SNAP25: variants seen among roughly 807,000 people sequenced by gnomAD.
The protein encoded by SNAP25 is synaptosomal-associated protein 25.
SNAP25 carries 3 observed loss-of-function variants against 28.7 expected under a neutral mutation model. The ratio of observed to expected loss-of-function variants is 0.10; its 90% CI spans 0.05 to 0.27. The LOEUF (loss-of-function observed/expected upper bound fraction) is 0.27. Among genes scored for constraint, SNAP25 ranks in the 10% least tolerant of loss-of-function variants. The pLI, the probability that SNAP25 is intolerant of heterozygous loss-of-function variation, is 1.00. For synonymous variants in SNAP25, 61 were observed against 88.1 expected, an observed-to-expected ratio of 0.69 and a Z score of 1.72; for missense variants, 117 against 278.7, an observed-to-expected ratio of 0.42 and a Z score of 4.13.
chr20:10,258,649 T>C (rs552699032), intron 1 of SNAP25, among the ~76,000 whole-genome samples: 39 of 152,206 alleles, frequency 2.6e-4, no homozygotes, highest in Admixed American at 1.1e-3. Context: ...GAATGCCAAA[T>C]TGAGTAACTG....
At chr20:10,229,741 T>G (rs567890193) in intron 1 of SNAP25, among the ~76,000 whole-genome samples, 2 of 152,266 alleles carry the variant, frequency 1.3e-5, no homozygotes, top group African/African-American at 4.8e-5. Context: ...CAGGTTATAC[T>G]TCACACTTGA....
At chr20:10,254,531 A>T (rs926097897) in intron 1 of SNAP25, among the ~76,000 whole-genome samples, 1 of 151,424 alleles carries the variant, frequency 6.6e-6, no homozygotes, top group Non-Finnish European at 1.5e-5. Flanking sequence ...TTTCCCGCGC[A>T]CTCCCACCTC....
At position 10,306,417 on chromosome 20, in the gene SNAP25, G is replaced by T; in HGVS notation, c.*220G>T. The T allele has an allele frequency of 1.4e-5, 6 of 435,238 alleles. No individual in the cohort carries two copies. The highest frequency in any genetic ancestry group is 5.4e-5 in the South Asian group (1 of 18,452). The allele number at this position is 435,238 out of a possible 1,614,324, so 27.0% of individuals were successfully genotyped here. On this transcript the variant is annotated 3_prime_UTR_variant, in exon 8 of 8. Transcript: ENST00000254976. ...CAAAGGTTGTACATAGTGGTCATTT[G>T]GTGGCTCTAACTCCTTGAGGTCTTG... is the stretch of plus-strand genomic sequence containing the variant.
intron 1 of SNAP25, chr20:10,219,281 A>G (rs1007101163): frequency 6.6e-5 from 10 of 152,226 alleles, no homozygotes; most frequent in African/African-American, 1.7e-4. Flanking sequence ...CCATTTTGCG[A>G]TGCAGTTTTC....
chr20:10,255,843 A>T (rs2063310579), intron 1 of SNAP25, among the ~76,000 whole-genome samples: 2 of 152,210 alleles, frequency 1.3e-5, no homozygotes, highest in Non-Finnish European at 2.9e-5. Flanking sequence ...GAACAGTGAG[A>T]CTATGATAAT....
intron 1 of SNAP25, among the ~76,000 whole-genome samples, chr20:10,242,723 A>C (rs186152476): frequency 4.5e-4 from 69 of 152,332 alleles, no homozygotes; most frequent in African/African-American, 1.6e-3. Context: ...CCAAATAGTC[A>C]GCTCCCAGTA....
chr20:10,263,898 A>G (rs1041051519), intron 1 of SNAP25, among the ~76,000 whole-genome samples: 17 of 152,150 alleles, frequency 1.1e-4, no homozygotes, highest in Admixed American at 1.3e-4. Flanking sequence ...AACAGAATCA[A>G]TGAGACAAGA....
In SNAP25 at chr20:10,293,151, G is replaced by A; in HGVS notation, c.164-10G>A. On this transcript the variant is annotated splice_polypyrimidine_tract_variant and intron_variant, in intron 4 of 7. Coordinates refer to ENST00000254976, the MANE Select transcript of SNAP25 (RefSeq NM_130811.4). This position sits in a 1 kb window ranked among gnomAD's most constrained non-coding sequence, Gnocchi z 5.6. ...CATTCTGTGGGGATAAAATACTTGT[G>A]TTTAATCAGAACAACTGGAACGCAT... 6.2e-7 allele frequency: 1 copy of A among 1,607,790 alleles called. No individual in the cohort carries two copies. Among genetic ancestry groups the A allele is most frequent in the Non-Finnish European group, 8.5e-7 (1 of 1,175,452 alleles).
At chr20:10,241,314 C>T (rs2063028086) in intron 1 of SNAP25, among the ~76,000 whole-genome samples, 1 of 152,032 alleles carries the variant, frequency 6.6e-6, no homozygotes, top group African/African-American at 2.4e-5. Context: ...TGCTCATCAC[C>T]CTCATCATCT....
intron 1 of SNAP25, chr20:10,231,640 A>T (rs1219587725): frequency 6.6e-6 from 1 of 152,208 alleles, no homozygotes; most frequent in Non-Finnish European, 1.5e-5. Context: ...GGGTAGGAAC[A>T]TTCTCATAAC....
intron 1 of SNAP25, among the ~76,000 whole-genome samples, chr20:10,261,249 C>T (rs550869191): frequency 1.2e-4 from 19 of 152,240 alleles, no homozygotes; most frequent in South Asian, 8.3e-4. Flanking sequence ...TAACTACAAA[C>T]GAATGAGTAT....
At chr20:10,292,067 T>C (rs2064009986) in intron 4 of SNAP25, among the ~76,000 whole-genome samples, 1 of 152,226 alleles carries the variant, frequency 6.6e-6, no homozygotes, top group Non-Finnish European at 1.5e-5. Context: ...GACACCATAT[T>C]GTCCTATGTT....
rs936405309 is a variant in SNAP25 at position 10,293,680 on chromosome 20, A to AT, written c.281+408dup. On this transcript the variant is annotated intron_variant, in intron 5 of 7. Coordinates refer to ENST00000254976, the MANE Select transcript of SNAP25 (RefSeq NM_130811.4). The surrounding 1 kb of genome is among the most constrained non-coding windows in gnomAD (Gnocchi z 5.6). ...TGAGAAACACATATGCGAAGGTTTG[A>AT]TTTTTTCCAAAATAAAAGAGACAGG... Among the ~76,000 whole-genome samples, 2 of 152,172 alleles carry AT rather than the reference A, an allele frequency of 1.3e-5. No homozygotes were observed. The highest frequency in any genetic ancestry group is 2.4e-5 in the African/African-American group (1 of 41,454).
At chr20:10,240,813 G>A (rs2063013738) in intron 1 of SNAP25, among the ~76,000 whole-genome samples, 2 of 152,210 alleles carry the variant, frequency 1.3e-5, no homozygotes, top group African/African-American at 4.8e-5. Context: ...CTCCAGAGGA[G>A]GCTAGGCTCG....
At chr20:10,276,780 T>G (rs2063699328) in intron 2 of SNAP25, among the ~76,000 whole-genome samples, 3 of 152,332 alleles carry the variant, frequency 2.0e-5, no homozygotes, top group South Asian at 4.1e-4. Flanking sequence ...TTTATAAATT[T>G]TGTGCTATTC....
At chr20:10,242,539 A>G (rs889446338) in intron 1 of SNAP25, among the ~76,000 whole-genome samples, 3 of 152,186 alleles carry the variant, frequency 2.0e-5, no homozygotes, top group African/African-American at 4.8e-5. Flanking sequence ...ATCTGGGCAG[A>G]GCACCTCCAG....
chr20:10,284,462 G>A (rs946203435), intron 3 of SNAP25, among the ~76,000 whole-genome samples: 1 of 151,984 alleles, frequency 6.6e-6, no homozygotes, highest in Non-Finnish European at 1.5e-5. Flanking sequence ...TTTCATGCAG[G>A]CCCCACCCCA....
At position 10,231,996 on chromosome 20, in the gene SNAP25, C is replaced by G. The variant is rs576596631; in HGVS notation, c.-64+13019C>G. Among the ~76,000 whole-genome samples, 22 of 152,146 alleles carry G rather than the reference C, an allele frequency of 1.4e-4. 1 individual carries two copies. Among genetic ancestry groups the G allele is most frequent in the Admixed American group, 2.6e-4 (4 of 15,280 alleles). ...AACAATTGAGATTTATTGGCTTAAACAATCTAAGCAAATGTTGAGCAGTCA... is the reference window on the plus strand; with the variant it reads ...AACAATTGAGATTTATTGGCTTAAAGAATCTAAGCAAATGTTGAGCAGTCA... On this transcript the variant is annotated intron_variant, in intron 1 of 7. Coordinates refer to ENST00000254976, the MANE Select transcript of SNAP25 (RefSeq NM_130811.4).
intron 3 of SNAP25, 89 bp from the exon 4 acceptor site, chr20:10,284,635 A>T: frequency 1.0e-6 from 1 of 995,502 alleles, no homozygotes; most frequent in Non-Finnish European, 1.6e-6. Flanking sequence ...TTTTCCATTT[A>T]TAGGGCTAAT....
Sources: gnomAD v4.1 joint callset for allele counts (sites outside exome capture counted in the v4.1 genomes callset) on GRCh38, gnomAD v4.1.1 for gene constraint, Gnocchi (gnomAD v3.1) non-coding constraint, MANE v1.5 for transcripts, NCBI Gene and HGNC (gene_info 2026-07-23, HGNC 2026-07-21) for gene names.